Variants in AKR1C3 observed in about 807,000 individuals in gnomAD.
AKR1C3 encodes 3-alpha hydroxysteroid dehydrogenase, type II.
A neutral mutation model predicts 43.6 loss-of-function variants in AKR1C3; 48 were observed. The ratio of observed to expected loss-of-function variants is 1.10; its 90% CI spans 0.87 to 1.40. The LOEUF (loss-of-function observed/expected upper bound fraction) is 1.40, where lower values mean the gene tolerates loss of function less well. AKR1C3 is among the 40% of genes most tolerant of loss of function. The pLI is 0.00. For missense variants in AKR1C3, 482 were observed against 391.2 expected (o/e 1.23, Z -1.96); for synonymous variants, 162 against 139.6 (o/e 1.16, Z -1.13).
At chr10:5,062,643 C>T (rs1427301451) in intron 1 of AKR1C3, among the ~76,000 whole-genome samples, 2 of 152,082 alleles carry the variant, frequency 1.3e-5, no homozygotes, top group African/African-American at 4.8e-5. Flanking sequence ...GAGGTAATTA[C>T]CAAGAAAACA....
chr10:5,085,662 C>T (rs1325523234), intron 1 of AKR1C3, among the ~76,000 whole-genome samples: 1 of 151,888 alleles, frequency 6.6e-6, no homozygotes, highest in Non-Finnish European at 1.5e-5. Context: ...ACCAGCTCTT[C>T]TTTGTACCTG....
chr10:5,106,574 A>C (rs4264066), intron 8 of AKR1C3, among the ~76,000 whole-genome samples: 30,439 of 152,006 alleles, frequency 0.2, 3,940 homozygotes, highest in East Asian at 0.63. Context: ...AACATGGTGA[A>C]ACCCTGTCTC....
At chr10:5,097,222 A>C (rs1839227555) in intron 2 of AKR1C3, among the ~76,000 whole-genome samples, 1 of 152,164 alleles carries the variant, frequency 6.6e-6, no homozygotes, top group Admixed American at 6.5e-5. Flanking sequence ...TACTCCTATC[A>C]TTCAGTAGAT....
At position 5,074,782 on chromosome 10, in the gene AKR1C3, A is replaced by G. The variant is rs1188921982; in HGVS notation, c.85-21628A>G. Among the ~76,000 whole-genome samples, 8 of 152,256 alleles carry G rather than the reference A, an allele frequency of 5.3e-5. No individual in the cohort carries two copies. The South Asian group carries it at 1.5e-3, about 28-fold the overall frequency. The stretch of plus-strand genomic sequence containing the variant: ...AAGGAAATTCCTGGTGAGCTGTTGA[A>G]ACTTCACCATGGTGATACAAATCCA... On this transcript the variant is annotated intron_variant, in intron 1 of 8. Transcript: ENST00000439082.
rs782567995 is a variant in AKR1C3 at position 5,102,169 on chromosome 10, G to A, written c.639G>A (p.Leu213=). Residue 213 remains leucine, a synonymous_variant, in exon 6 of 9, where the codon CTG becomes CTA. Coordinates refer to ENST00000380554, the MANE Select transcript of AKR1C3 (RefSeq NM_003739.6). ...LDFCKSKDIV[L]VAYSALGSQR... ...TCTGCAAGTCGAAAGATATTGTTCT[G>A]GTTGCCTATAGTGCTCTGGGATCTC... 6.2e-7 allele frequency: 1 copy of A among 1,614,006 alleles called. No homozygotes were observed. The highest frequency in any genetic ancestry group is 2.2e-5 in the East Asian group (1 of 44,882).
At chr10:5,104,107 G>A (rs1049859619) in intron 7 of AKR1C3, among the ~76,000 whole-genome samples, 1 of 152,068 alleles carries the variant, frequency 6.6e-6, no homozygotes, top group Non-Finnish European at 1.5e-5. Flanking sequence ...ATGAACAAAA[G>A]TTGCTACTTT....
At chr10:5,086,065 C>G (rs1838958997) in intron 1 of AKR1C3, among the ~76,000 whole-genome samples, 1 of 151,682 alleles carries the variant, frequency 6.6e-6, no homozygotes, top group Non-Finnish European at 1.5e-5. Context: ...TTTTTTGTGT[C>G]TCTATTTCCT....
Position 5,097,474 on chromosome 10 carries a change from C to G in AKR1C3, c.293C>G (p.Ala98Gly). Reference protein sequence around the residue: ...TFHRPELVRPALENSLKKAQL... With the variant: ...TFHRPELVRPGLENSLKKAQL... ...CATCGACCAGAGTTGGTCCGACCAG[C>G]CTTGGAAAACTCACTGAAGAAAGCT... The change falls in exon 3 of 9, where the codon GCC (alanine) becomes GGC (glycine). Residue 98 changes from alanine to glycine, a missense_variant. By Grantham distance (60) the Ala-to-Gly change is moderately conservative. Transcript: ENST00000380554. 1.2e-6 allele frequency: 2 copies of G among 1,613,806 alleles called. No homozygotes were observed. The highest frequency in any genetic ancestry group is 1.7e-6 in the Non-Finnish European group (2 of 1,179,814).
intron 1 of AKR1C3, among the ~76,000 whole-genome samples, chr10:5,049,555 A>G (rs953487337): frequency 2.0e-5 from 3 of 152,264 alleles, no homozygotes; most frequent in Non-Finnish European, 4.4e-5. Context: ...ATTTGTAACA[A>G]AATGATAGGA....
chr10:5,078,454 A>C (rs1047069971), intron 1 of AKR1C3, among the ~76,000 whole-genome samples: 9 of 152,084 alleles, frequency 5.9e-5, no homozygotes, highest in African/African-American at 1.7e-4. Context: ...AAATAATAAT[A>C]ACCATAATCA....
intron 1 of AKR1C3, among the ~76,000 whole-genome samples, chr10:5,069,503 G>A (rs782390899): frequency 3.3e-5 from 5 of 152,070 alleles, no homozygotes; most frequent in African/African-American, 4.8e-5. Context: ...ATCTTTTCCA[G>A]CACATTTTGC....
chr10:5,068,616 G>T (rs181049884), intron 1 of AKR1C3, among the ~76,000 whole-genome samples: 1 of 151,910 alleles, frequency 6.6e-6, no homozygotes, highest in East Asian at 1.9e-4. Flanking sequence ...AATCTTAATT[G>T]TAATGTAAAA....
intron 1 of AKR1C3, among the ~76,000 whole-genome samples, chr10:5,076,130 A>C (rs6601899): frequency 0.87 from 132,589 of 152,164 alleles, 58,012 homozygotes; most frequent in African/African-American, 0.96. Flanking sequence ...AAATAAGATG[A>C]TGTAACAGTA....
intron 1 of AKR1C3, among the ~76,000 whole-genome samples, chr10:5,060,433 C>A (rs1838357831): frequency 6.6e-6 from 1 of 152,178 alleles, no homozygotes; most frequent in South Asian, 2.1e-4. Context: ...TTCTCCAAGT[C>A]CCCACCAGAG....
At chr10:5,053,494 C>G (rs1361456471) in intron 1 of AKR1C3, among the ~76,000 whole-genome samples, 1 of 152,238 alleles carries the variant, frequency 6.6e-6, no homozygotes, top group African/African-American at 2.4e-5. Flanking sequence ...TCCACACCTC[C>G]CTGCAAGCTG....
chr10:5,067,141 A>C (rs7071627), intron 1 of AKR1C3, among the ~76,000 whole-genome samples: 2 of 152,132 alleles, frequency 1.3e-5, no homozygotes, highest in African/African-American at 2.4e-5. Context: ...ACAAAGTATA[A>C]GTTTATCCAC....
chr10:5,099,568 G>C, intron 5 of AKR1C3, 119 bp downstream of exon 5: 1 of 1,520,456 alleles, frequency 6.6e-7, no homozygotes, highest in East Asian at 2.3e-5. Flanking sequence ...TATCTAGAGA[G>C]CAAAGCTTCT....
intron 1 of AKR1C3, among the ~76,000 whole-genome samples, chr10:5,067,199 TG>T (rs1410199717): frequency 6.6e-6 from 1 of 152,172 alleles, no homozygotes; most frequent in Non-Finnish European, 1.5e-5. Flanking sequence ...ACCCCATAAG[TG>T]CACATAACAG....
intron 3 of AKR1C3, chr10:5,098,130 G>C: frequency 5.1e-6 from 5 of 986,438 alleles, no homozygotes; most frequent in Non-Finnish European, 6.0e-6. Flanking sequence ...AACTACTCAG[G>C]CTAGTTAATG....
Sources: gnomAD v4.1 joint callset for allele counts (sites outside exome capture counted in the v4.1 genomes callset) on GRCh38, gnomAD v4.1.1 for gene constraint, MANE v1.5 for transcripts, NCBI Gene and HGNC (gene_info 2026-07-23, HGNC 2026-07-21) for gene names.